The following EIF4G1 variants were observed in gnomAD, a reference collection of about 807,000 sequenced individuals.
EIF4G1 encodes eukaryotic translation initiation factor 4 gamma 1, also known as EIF4-gamma.
EIF4G1 carries 4 observed loss-of-function variants against 187.8 expected under a neutral mutation model. The ratio of observed to expected loss-of-function variants is 0.02; its 90% CI spans 0.01 to 0.05. EIF4G1 has a LOEUF of 0.05. Among genes scored for constraint, EIF4G1 ranks in the 10% least tolerant of loss-of-function variants. The pLI is 1.00. For missense variants in EIF4G1, 1,647 were observed against 2,081.1 expected, an observed-to-expected ratio of 0.79 and a Z score of 4.06; for synonymous variants, 844 against 781.4, an observed-to-expected ratio of 1.08 and a Z score of -1.34.
In EIF4G1 at chr3:184,326,518, C is replaced by T. The variant is rs910366343; in HGVS notation, c.3223-9C>T. On this transcript the variant is annotated splice_polypyrimidine_tract_variant and intron_variant, in intron 21 of 32. Transcript: ENST00000346169. The stretch of plus-strand genomic sequence containing the variant: ...GGACCTATGATTCTACTCCCCTTTT[C>T]TTCTTCAGCCTGGCTCCATCGATTC... The T allele has an allele frequency of 7.4e-6, 12 of 1,613,724 alleles. No homozygotes were observed. Among genetic ancestry groups the T allele is most frequent in the South Asian group, 3.3e-5 (3 of 91,076 alleles).
At chr3:184,321,198 G>C in intron 9 of EIF4G1, 84 bp from the exon 10 acceptor site, 1 of 1,580,376 alleles carries the variant, frequency 6.3e-7, no homozygotes. Flanking sequence ...ATTAAGTTGG[G>C]AATGCCTGGG....
rs200302288 is a variant in EIF4G1, at chr3:184,323,160, C to T, written c.2007C>T (p.Ser669=). ...ATTGTGGCCCAGACTTCACTCCATC[C>T]TTTGCCAACCTTGGCCGGACAACCC... ...GINCGPDFTP[S]FANLGRTTLS... is the part of the protein sequence containing the mutation. The change falls in exon 14 of 33, where the codon TCC becomes TCT. Residue 669 remains serine (S), a synonymous_variant. Transcript: ENST00000346169. The surrounding 1 kb of genome is among the most constrained non-coding windows in gnomAD (Gnocchi z 6.9). 6.2e-5 allele frequency: 100 copies of T among 1,614,120 alleles called. No individual in the cohort carries two copies. Among genetic ancestry groups the T allele is most frequent in the Non-Finnish European group, 8.3e-5 (98 of 1,180,048 alleles).
In EIF4G1 at chr3:184,325,039, T is replaced by C. The variant is rs764918962; in HGVS notation, c.2781T>C (p.His927=). The change falls in exon 18 of 33, where the codon CAT becomes CAC. Residue 927 remains histidine (H), a synonymous_variant. Transcript: ENST00000346169. This position sits in a 1 kb window ranked among gnomAD's most constrained non-coding sequence, Gnocchi z 5.2. ...HDCVVKLLKN[H]DEESLECLCR... Reference sequence around the variant, plus strand: ...GTGTGGTCAAACTGCTTAAGAACCATGATGAAGAGTCCCTTGAGTGCCTTT... The same window carrying C: ...GTGTGGTCAAACTGCTTAAGAACCACGATGAAGAGTCCCTTGAGTGCCTTT... The C allele has an allele frequency of 3.1e-6, 5 of 1,614,194 alleles. No homozygotes were observed. Among genetic ancestry groups the C allele is most frequent in the South Asian group, 1.1e-5 (1 of 91,078 alleles).
At position 184,321,804 on chromosome 3, in the gene EIF4G1, C is replaced by T. The variant is rs975559220; in HGVS notation, c.1220C>T (p.Ala407Val). The T allele has an allele frequency of 3.1e-6, 5 of 1,613,702 alleles. No homozygotes were observed. In the African/African-American group the frequency reaches 6.7e-5, roughly 22 times the overall value. ...CAACCTGAGGAACTGCTCAACGGAG[C>T]CCCCTCGCCACCAGCTGTGGACTTA... ...TAQPEELLNG[A>V]PSPPAVDLSP... Residue 407 changes from alanine to valine, a missense_variant, in exon 10 of 33, where the codon GCC (alanine) becomes GTC (valine). Transcript: ENST00000346169.
chr3:184,321,283 T>C lies in EIF4G1; in HGVS notation c.699T>C (p.Asp233=). The change falls in exon 10 of 33, where the codon GAT becomes GAC. Residue 233 remains aspartate, a splice_region_variant and synonymous_variant. Coordinates refer to ENST00000346169, the MANE Select transcript of EIF4G1 (RefSeq NM_198241.3). The part of the protein sequence containing the change: ...TPQVAVIVRP[D]DRSQGAIIAD... The stretch of plus-strand genomic sequence containing the variant: ...TCATTCTTCCTTCCTATGGTGCAGA[T>C]GACCGGTCACAGGGAGCAATCATTG... 6.2e-7 allele frequency: 1 copy of C among 1,614,124 alleles called. No homozygotes were observed. The highest frequency in any genetic ancestry group is 1.1e-5 in the South Asian group (1 of 91,088).
rs1230359708 is a variant in EIF4G1, at chr3:184,314,999, G to A, written c.-92+325G>A. On this transcript the variant is annotated intron_variant, in intron 1 of 32. Coordinates refer to ENST00000346169, the MANE Select transcript of EIF4G1 (RefSeq NM_198241.3). ...GGCAGCCCACGGGCGCAGGCACCAC[G>A]GCTCCCGGCCCGCCGCCCCCTCCCC... Among the ~76,000 whole-genome samples, 5 of 151,340 alleles carry A rather than the reference G, an allele frequency of 3.3e-5. No homozygotes were observed. In the East Asian group the frequency reaches 9.8e-4, roughly 30 times the overall value.
rs1724332995 is a variant in EIF4G1 at position 184,323,733 on chromosome 3, GCC to G, written c.2275-46_2275-45del. ...CCACCCTCTCCTGTCCCTCCCAACA[GCC>G]TGTTCTGAGACCCTCACTGGAACTC... On this transcript the variant is annotated intron_variant, in intron 15 of 32. Transcript: ENST00000346169. This position sits in a 1 kb window ranked among gnomAD's most constrained non-coding sequence, Gnocchi z 6.9. The G allele has an allele frequency of 1.2e-6, 2 of 1,612,030 alleles. No homozygotes were observed. The highest frequency in any genetic ancestry group is 1.7e-6 in the Non-Finnish European group (2 of 1,179,654).
Position 184,317,517 on chromosome 3 carries a change from G to A in EIF4G1, c.324+20G>A. 6.2e-7 allele frequency: 1 copy of A among 1,613,776 alleles called. No individual in the cohort carries two copies. Among genetic ancestry groups the A allele is most frequent in the Non-Finnish European group, 8.5e-7 (1 of 1,179,872 alleles). On this transcript the variant is annotated intron_variant, in intron 5 of 32. Transcript: ENST00000346169. ...GGACAGGTGAGGCTGGGGGCTTGGA[G>A]CCTAGAAGCCACAGACCCCTATACC...
At chr3:184,328,040 C>T (rs1725282855) in intron 26 of EIF4G1, 38 bp downstream of exon 26, 2 of 1,596,006 alleles carry the variant, frequency 1.3e-6, no homozygotes, top group Non-Finnish European at 1.7e-6. Flanking sequence ...CTTATACAGA[C>T]CCACAATTTT....
At position 184,325,409 on chromosome 3, in the gene EIF4G1, G is replaced by T. The variant is rs760567420; in HGVS notation, c.2961+36G>T. 3.1e-6 allele frequency: 5 copies of T among 1,614,078 alleles called. No homozygotes were observed. Among genetic ancestry groups the T allele is most frequent in the Non-Finnish European group, 1.7e-6 (2 of 1,180,024 alleles). ...CCCTCCTCCCCACTGCCAGCCTGCT[G>T]CCTCCAGTTTCTGACACTGCCTTGT... On this transcript the variant is annotated intron_variant, in intron 19 of 32. Coordinates refer to ENST00000346169, the MANE Select transcript of EIF4G1 (RefSeq NM_198241.3). The surrounding 1 kb of genome is among the most constrained non-coding windows in gnomAD (Gnocchi z 5.2).
intron 6 of EIF4G1, among the ~76,000 whole-genome samples, chr3:184,318,424 C>T (rs917320879): frequency 6.6e-6 from 1 of 152,060 alleles, no homozygotes; most frequent in Non-Finnish European, 1.5e-5. Context: ...TGAGACCAGC[C>T]TGGGAAACTT....
intron 21 of EIF4G1, 23 bp from the exon 22 acceptor site, chr3:184,326,504 T>C: frequency 6.2e-7 from 1 of 1,613,698 alleles, no homozygotes; most frequent in Non-Finnish European, 8.5e-7. Flanking sequence ...GACCTATGAT[T>C]CTACTCCCCT....
At chr3:184,328,516 T>A in intron 26 of EIF4G1, 115 bp from the exon 27 acceptor site, 1 of 1,428,326 alleles carries the variant, frequency 7.0e-7, no homozygotes, top group Non-Finnish European at 9.9e-7. Flanking sequence ...ATTGTCCCCA[T>A]GTCTAGAAAA....
chr3:184,323,472 C>T lies in EIF4G1; in HGVS notation c.2153C>T (p.Thr718Ile). The change falls in exon 15 of 33, where the codon ACA (threonine) becomes ATA (isoleucine). Residue 718 changes from threonine to isoleucine, a missense_variant. Transcript: ENST00000346169. The surrounding 1 kb of genome is among the most constrained non-coding windows in gnomAD (Gnocchi z 6.9). ...AAAGAACCACGCAAGATCATTGCCA[C>T]AGTGTTAATGACCGAAGATATAAAA... is the stretch of plus-strand genomic sequence containing the variant. Reference protein sequence around the residue: ...PRKEPRKIIATVLMTEDIKLN... With the variant: ...PRKEPRKIIAIVLMTEDIKLN... 1.2e-6 allele frequency: 2 copies of T among 1,614,166 alleles called. No homozygotes were observed. Among genetic ancestry groups the T allele is most frequent in the Non-Finnish European group, 1.7e-6 (2 of 1,180,048 alleles).
intron 4 of EIF4G1, among the ~76,000 whole-genome samples, chr3:184,317,011 G>A (rs1722916642): frequency 6.6e-6 from 1 of 152,192 alleles, no homozygotes; most frequent in Admixed American, 6.5e-5. Context: ...CCTTACTTAG[G>A]CATGATGCAT....
In EIF4G1 at chr3:184,321,734, C is replaced by G. The variant is rs1328890317; in HGVS notation, c.1150C>G (p.Pro384Ala). ...GTCAAGCCCAGAGCTTGCTCCTCCC[C>G]CAGCTTGCCCCTCCGAATCCCCTGT... Reference protein sequence around the residue: ...VESSPELAPPPACPSESPVPI... With the variant: ...VESSPELAPPAACPSESPVPI... Residue 384 changes from proline to alanine, a missense_variant, in exon 10 of 33, where the codon CCA (proline) becomes GCA (alanine). This residue lies in a region of EIF4G1 where 522 missense variants were observed against 485.2 expected (regional missense o/e 1.08). Transcript: ENST00000346169. 6 of 1,597,194 alleles carry G rather than the reference C, an allele frequency of 3.8e-6. No homozygotes were observed. Among genetic ancestry groups the G allele is most frequent in the Non-Finnish European group, 5.1e-6 (6 of 1,169,272 alleles).
In EIF4G1 at chr3:184,325,361, G is replaced by C. The variant is rs946303294; in HGVS notation, c.2949G>C (p.Leu983=). The C allele has an allele frequency of 3.7e-6, 6 of 1,614,112 alleles. No individual in the cohort carries two copies. The highest frequency in any genetic ancestry group is 5.1e-6 in the Non-Finnish European group (6 of 1,180,050). The change falls in exon 19 of 33, where the codon CTG becomes CTC. Residue 983 remains leucine (L), a synonymous_variant. Transcript: ENST00000346169. The surrounding 1 kb of genome is among the most constrained non-coding windows in gnomAD (Gnocchi z 5.2). ...SRIRFMLQDV[L]DLRGSNWVPR... is the part of the protein sequence containing the mutation. The stretch of plus-strand genomic sequence containing the variant: ...TCCGCTTTATGCTGCAGGACGTGCT[G>C]GATCTGCGAGGGGTGTGTGTCCCCC...
chr3:184,331,173 T>C (rs1180638163), intron 28 of EIF4G1, 93 bp from the exon 29 acceptor site: 1 of 1,345,004 alleles, frequency 7.4e-7, no homozygotes, highest in Non-Finnish European at 1.1e-6. Flanking sequence ...CTAGTAGGCT[T>C]TCAGTAAATA....
chr3:184,327,134 C>T, intron 23 of EIF4G1, 82 bp from the exon 24 acceptor site: 1 of 1,583,218 alleles, frequency 6.3e-7, no homozygotes, highest in Non-Finnish European at 8.7e-7. Flanking sequence ...GAACAAGGCC[C>T]AACAGTTGCT....
Sources: gnomAD v4.1 joint callset for allele counts (sites outside exome capture counted in the v4.1 genomes callset) on GRCh38, gnomAD v4.1.1 for gene constraint, gnomAD v4.1.1 regional missense constraint, Gnocchi (gnomAD v3.1) non-coding constraint, MANE v1.5 for transcripts, NCBI Gene and HGNC (gene_info 2026-07-23, HGNC 2026-07-21) for gene names.